The following RAB10 variants were observed in gnomAD, a reference collection of about 807,000 sequenced individuals.
The protein encoded by RAB10 is ras-related protein Rab-10.
A neutral mutation model predicts 25.7 loss-of-function variants in RAB10; 5 were observed. That is an observed-to-expected ratio of 0.19 (90% CI 0.10 to 0.41). The LOEUF (loss-of-function observed/expected upper bound fraction) is 0.41, where lower values mean the gene tolerates loss of function less well. Ranked by LOEUF, RAB10 falls within the 10% of genes least tolerant of loss-of-function variation. RAB10 has a pLI of 1.00. For synonymous variants in RAB10, 89 were observed against 86.4 expected (o/e 1.03, Z -0.16); for missense variants, 103 against 245.8 (o/e 0.42, Z 3.89).
chr2:26,065,869 T>C (rs1165668987), intron 1 of RAB10, among the ~76,000 whole-genome samples: 1 of 152,228 alleles, frequency 6.6e-6, no homozygotes, highest in Non-Finnish European at 1.5e-5. Flanking sequence ...TTATGAGTAA[T>C]GTATACTCCA....
At chr2:26,102,845 T>C (rs371775286) in intron 2 of RAB10, among the ~76,000 whole-genome samples, 1 of 152,180 alleles carries the variant, frequency 6.6e-6, no homozygotes, top group East Asian at 1.9e-4. Flanking sequence ...GGGTTTTCCT[T>C]GTGAAGCAGC....
chr2:26,128,402 C>T (rs1335345940), intron 5 of RAB10, among the ~76,000 whole-genome samples: 2 of 152,128 alleles, frequency 1.3e-5, no homozygotes, highest in South Asian at 4.1e-4. Context: ...GGGTTGGGGA[C>T]TTGTGCTATA....
At chr2:26,087,610 C>G (rs1667014814) in intron 1 of RAB10, among the ~76,000 whole-genome samples, 1 of 152,174 alleles carries the variant, frequency 6.6e-6, no homozygotes, top group Non-Finnish European at 1.5e-5. Flanking sequence ...ACCAGTTGAC[C>G]AGGTTGGTCT....
chr2:26,083,682 T>C (rs1412349834), intron 1 of RAB10, among the ~76,000 whole-genome samples: 1 of 152,094 alleles, frequency 6.6e-6, no homozygotes, highest in Non-Finnish European at 1.5e-5. Flanking sequence ...CACACTGGGC[T>C]AATTTTTTGT....
At chr2:26,103,279 T>C (rs1459127687) in intron 2 of RAB10, among the ~76,000 whole-genome samples, 1 of 152,226 alleles carries the variant, frequency 6.6e-6, no homozygotes, top group African/African-American at 2.4e-5. Flanking sequence ...TATGTGAACA[T>C]GCTAAGTGCA....
At chr2:26,057,749 A>G (rs1666299405) in intron 1 of RAB10, among the ~76,000 whole-genome samples, 1 of 152,006 alleles carries the variant, frequency 6.6e-6, no homozygotes, top group South Asian at 2.1e-4. Context: ...CTGCGTCCCC[A>G]GTAGCTGGGA....
intron 3 of RAB10, among the ~76,000 whole-genome samples, chr2:26,113,096 AAG>A (rs1305002121): frequency 6.6e-6 from 1 of 152,080 alleles, no homozygotes; most frequent in Non-Finnish European, 1.5e-5. Context: ...AAAAGAAAGA[AAG>A]AGGAAATCTT....
intron 1 of RAB10, among the ~76,000 whole-genome samples, chr2:26,078,545 T>A (rs192327264): frequency 9.2e-5 from 14 of 152,274 alleles, no homozygotes; most frequent in Non-Finnish European, 2.1e-4. Context: ...GACAGGTATT[T>A]ACTGCTCAGT....
At chr2:26,033,754 G>C (rs944146204), upstream of RAB10, among the ~76,000 whole-genome samples, 10 of 144,582 alleles carry the variant, frequency 6.9e-5, no homozygotes, top group African/African-American at 2.0e-4. Context: ...GCTGGGCTCT[G>C]TAAGGGTGTC....
chr2:26,084,794 T>C (rs1477000096), intron 1 of RAB10, among the ~76,000 whole-genome samples: 2 of 152,230 alleles, frequency 1.3e-5, no homozygotes, highest in East Asian at 3.8e-4. Context: ...GTTGCTTCTT[T>C]ATTAAGAATT....
At chr2:26,067,683 A>G (rs1666542016) in intron 1 of RAB10, among the ~76,000 whole-genome samples, 1 of 152,250 alleles carries the variant, frequency 6.6e-6, no homozygotes, top group Non-Finnish European at 1.5e-5. Flanking sequence ...GCAGACTACC[A>G]CTAGTCATCT....
At position 26,135,408 on chromosome 2, in the gene RAB10, G is replaced by A. The variant is rs1668090652; in HGVS notation, c.*387G>A. ...ATTTTGTACAACAGTGGAATTTTCT[G>A]TCATGGATAATGTGCTTGAGTCCCT... On this transcript the variant is annotated 3_prime_UTR_variant, in exon 6 of 6. Transcript: ENST00000264710. The A allele has an allele frequency of 1.3e-5, 2 of 158,804 alleles. No individual in the cohort carries two copies. The highest frequency in any genetic ancestry group is 2.8e-5 in the Non-Finnish European group (2 of 72,302). The allele number at this position is 158,804 out of a possible 1,614,324, so 9.8% of individuals were successfully genotyped here.
chr2:26,118,841 A>G (rs577844277), intron 3 of RAB10, among the ~76,000 whole-genome samples: 3 of 152,356 alleles, frequency 2.0e-5, no homozygotes, highest in South Asian at 4.1e-4. Context: ...TGTGTGATTC[A>G]TAGAGATATG....
intron 3 of RAB10, 102 bp from the exon 4 acceptor site, chr2:26,127,042 T>A: frequency 2.3e-6 from 2 of 852,124 alleles, no homozygotes; most frequent in South Asian, 3.7e-5. Flanking sequence ...ACTTCAAAGC[T>A]ATAGAAATGA....
In RAB10 at chr2:26,095,650, C is replaced by T. The variant is rs182015084; in HGVS notation, c.128-3012C>T. On this transcript the variant is annotated intron_variant, in intron 1 of 5. Transcript: ENST00000264710. ...CTCAGGTTGGACGCAGTGGCTCACG[C>T]CCGTAATCCTGACATCTTGGGAGTC... Among the ~76,000 whole-genome samples the T allele has an allele frequency of 2.6e-4, 40 of 151,820 alleles. No individual in the cohort carries two copies. The East Asian group carries it at 6.6e-3, about 25-fold the overall frequency.
chr2:26,034,701 T>C lies in RAB10; in HGVS notation c.93T>C (p.Asp31=). ...CCTGCGTCCTTTTTCGTTTTTCGGA[T>C]GATGCCTTCAATACTACCTTTATTT... ...GKTCVLFRFS[D]DAFNTTFIST... The change falls in exon 1 of 6, where the codon GAT becomes GAC. Residue 31 remains aspartate (D), a synonymous_variant. Coordinates refer to ENST00000264710, the MANE Select transcript of RAB10 (RefSeq NM_016131.5). The C allele has an allele frequency of 6.2e-7, 1 of 1,614,244 alleles. No individual in the cohort carries two copies. The highest frequency in any genetic ancestry group is 2.2e-5 in the East Asian group (1 of 44,892).
intron 3 of RAB10, among the ~76,000 whole-genome samples, chr2:26,122,452 C>T (rs1667824073): frequency 6.6e-6 from 1 of 152,022 alleles, no homozygotes; most frequent in East Asian, 1.9e-4. Flanking sequence ...CACGTTGAAA[C>T]CCCGTCTCTA....
intron 2 of RAB10, among the ~76,000 whole-genome samples, chr2:26,107,877 A>T (rs1458179351): frequency 6.6e-6 from 1 of 152,096 alleles, no homozygotes; most frequent in African/African-American, 2.4e-5. Context: ...TTCACCAAAG[A>T]GGACATGTGG....
At chr2:26,125,551 G>A (rs1394781028) in intron 3 of RAB10, among the ~76,000 whole-genome samples, 1 of 150,484 alleles carries the variant, frequency 6.6e-6, no homozygotes, top group East Asian at 2.0e-4. Context: ...CCAGGCTCAA[G>A]TGATTCTCCT....
Sources: gnomAD v4.1 joint callset for allele counts (sites outside exome capture counted in the v4.1 genomes callset) on GRCh38, gnomAD v4.1.1 for gene constraint, MANE v1.5 for transcripts, NCBI Gene and HGNC (gene_info 2026-07-23, HGNC 2026-07-21) for gene names.